Variants in NF2 observed in about 807,000 individuals in gnomAD.
NF2 encodes the protein merlin.
Under a neutral mutation model 83.7 loss-of-function variants are expected in NF2, and 8 were observed. The ratio of observed to expected loss-of-function variants is 0.10; its 90% CI spans 0.06 to 0.17. The LOEUF is 0.17. NF2 is among the 10% of genes least tolerant of loss of function. NF2 has a pLI of 1.00. For synonymous variants in NF2, 266 were observed against 269.6 expected (o/e 0.99, Z 0.13); for missense variants, 533 against 744.4 (o/e 0.72, Z 3.31).
intron 3 of NF2, among the ~76,000 whole-genome samples, chr22:29,640,194 TA>T (rs11379333): frequency 0.37 from 34,385 of 92,520 alleles, 5,956 homozygotes; most frequent in East Asian, 0.66. Context: ...GACTCTGTCT[TA>T]AAAAAAAAAA....
intron 14 of NF2, 99 bp downstream of exon 14, chr22:29,678,422 G>A: frequency 7.1e-7 from 1 of 1,415,944 alleles, no homozygotes; most frequent in Non-Finnish European, 9.9e-7. Context: ...CGCTGCAGCA[G>A]CCTGTCATTA....
intron 12 of NF2, among the ~76,000 whole-genome samples, chr22:29,673,845 T>C (rs541229409): frequency 6.6e-5 from 10 of 152,222 alleles, no homozygotes; most frequent in African/African-American, 2.4e-4. Flanking sequence ...TTAAAAAAAG[T>C]GTGGTTCTTT....
Position 29,697,881 on chromosome 22 carries a change from T to A in NF2, c.*3079T>A, listed in dbSNP as rs1400592013. 4.9e-6 allele frequency: 1 copy of A among 205,100 alleles called. No individual in the cohort carries two copies. Among genetic ancestry groups the A allele is most frequent in the Non-Finnish European group, 1.0e-5 (1 of 100,074 alleles). The allele number at this position is 205,100 out of a possible 1,614,324, so 12.7% of individuals were successfully genotyped here. A position where few individuals can be genotyped will look rare whatever the true frequency, so the allele number is the denominator to read the frequency against. ...GCGCTTGGCCAGACTGCGTCCTTTTTAAGCGAACATTTTAGGGCCTGGGAG... is the reference window on the plus strand; with the variant it reads ...GCGCTTGGCCAGACTGCGTCCTTTTAAAGCGAACATTTTAGGGCCTGGGAG... On this transcript the variant is annotated 3_prime_UTR_variant, in exon 16 of 16. Transcript: ENST00000338641.
rs142446775 is a variant in NF2 at position 29,673,419 on chromosome 22, C to T, written c.1273C>T (p.Leu425=). 32 of 1,612,618 alleles carry T rather than the reference C, an allele frequency of 2.0e-5. No homozygotes were observed. In the Middle Eastern group the frequency reaches 8.2e-4, roughly 41 times the overall value. The part of the protein sequence containing the change: ...TAIRTEEEKR[L]MEQKVLEAEV... ...GATTCGCACGGAGGAGGAGAAGCGC[C>T]TGATGGAGCAGAAGGTGCTGGAAGC... The change falls in exon 12 of 16, where the codon CTG becomes TTG. Residue 425 remains leucine, a synonymous_variant. Coordinates refer to ENST00000338641, the MANE Select transcript of NF2 (RefSeq NM_000268.4).
chr22:29,656,361 A>G (rs1271584963), intron 6 of NF2, among the ~76,000 whole-genome samples: 4 of 150,210 alleles, frequency 2.7e-5, no homozygotes, highest in Non-Finnish European at 4.4e-5. Context: ...GCAGTGCACA[A>G]TCTTTTATTT....
chr22:29,672,156 C>T (rs1246736487), intron 11 of NF2, among the ~76,000 whole-genome samples: 1 of 152,200 alleles, frequency 6.6e-6, no homozygotes, highest in African/African-American at 2.4e-5. Flanking sequence ...TCCACTTTCA[C>T]CACGAGGTTG....
intron 14 of NF2, 91 bp from the exon 15 acceptor site, chr22:29,681,348 C>A: frequency 2.0e-6 from 3 of 1,523,924 alleles, no homozygotes; most frequent in Non-Finnish European, 2.7e-6. Context: ...AACCCTAGAT[C>A]GCACACCAAG....
chr22:29,623,259 A>G (rs975126051), intron 1 of NF2, among the ~76,000 whole-genome samples: 3 of 152,116 alleles, frequency 2.0e-5, no homozygotes, highest in Non-Finnish European at 2.9e-5. Context: ...ATGTGTGTGA[A>G]TTGGTAGCTT....
intron 1 of NF2, among the ~76,000 whole-genome samples, chr22:29,607,167 C>T (rs1406427924): frequency 6.6e-6 from 1 of 152,144 alleles, no homozygotes; most frequent in Non-Finnish European, 1.5e-5. Flanking sequence ...ATGTGTACAA[C>T]TATTATGAAT....
chr22:29,608,675 GAAA>G (rs771671779), intron 1 of NF2, among the ~76,000 whole-genome samples: 2 of 115,746 alleles, frequency 1.7e-5, no homozygotes, highest in Non-Finnish European at 3.7e-5. Context: ...TCCCTGCCCT[GAAA>G]AAAAAAAAAA....
At position 29,694,886 on chromosome 22, in the gene NF2, T is replaced by C. The variant is rs942827349; in HGVS notation, c.*84T>C. The stretch of plus-strand genomic sequence containing the variant: ...GACCAGATATCAAGAGAGCCATCCA[T>C]AGGGAGCTGGCTGGGGGTTTCCGTG... On this transcript the variant is annotated 3_prime_UTR_variant, in exon 16 of 16. Transcript: ENST00000338641. The surrounding 1 kb of genome is among the most constrained non-coding windows in gnomAD (Gnocchi z 4.1). 2.0e-5 allele frequency: 28 copies of C among 1,431,390 alleles called. No individual in the cohort carries two copies. The Admixed American group carries it at 4.0e-4, about 20-fold the overall frequency. 88.7% of individuals were successfully genotyped at this position (1,431,390 alleles called of 1,614,324 possible). A position where few individuals can be genotyped will look rare whatever the true frequency, so the allele number is the denominator to read the frequency against.
chr22:29,673,577 C>T lies in NF2; in HGVS notation c.1340+91C>T, dbSNP rs779038315. On this transcript the variant is annotated intron_variant, in intron 12 of 15. Transcript: ENST00000338641. ...GAGGCTGAGCTCTACAGCAGTTGTC[C>T]TCAAGCTGCTTGCCCATCTTCTGGG... 2.2e-5 allele frequency: 30 copies of T among 1,379,956 alleles called. No individual in the cohort carries two copies. The South Asian group carries it at 2.6e-4, about 12-fold the overall frequency. The allele number at this position is 1,379,956 out of a possible 1,614,324, so 85.5% of individuals were successfully genotyped here.
chr22:29,612,918 A>G (rs2064990004), intron 1 of NF2, among the ~76,000 whole-genome samples: 2 of 151,810 alleles, frequency 1.3e-5, no homozygotes, highest in South Asian at 2.1e-4. Flanking sequence ...CAACATGGAG[A>G]AACCCTGTCT....
At chr22:29,640,643 A>G (rs1156314207) in intron 3 of NF2, among the ~76,000 whole-genome samples, 1 of 152,166 alleles carries the variant, frequency 6.6e-6, no homozygotes, top group Non-Finnish European at 1.5e-5. Context: ...TTTCCCAGAG[A>G]TAGTTGGGTA....
At chr22:29,638,704 A>C (rs529085469) in intron 2 of NF2, among the ~76,000 whole-genome samples, 14 of 152,296 alleles carry the variant, frequency 9.2e-5, no homozygotes, top group African/African-American at 3.1e-4. Context: ...GCACCAAGAA[A>C]AAAGAAATAA....
chr22:29,661,535 G>C (rs1203848800), intron 8 of NF2, among the ~76,000 whole-genome samples, 196 bp downstream of exon 8: 1 of 152,224 alleles, frequency 6.6e-6, no homozygotes, highest in African/African-American at 2.4e-5. Context: ...TGACTAATAG[G>C]AAACTGGGAA....
chr22:29,639,032 G>T, intron 2 of NF2, 58 bp from the exon 3 acceptor site: 1 of 1,612,712 alleles, frequency 6.2e-7, no homozygotes, highest in Non-Finnish European at 8.5e-7. Flanking sequence ...TTCTTTGAGG[G>T]TAGCACAGGA....
At chr22:29,673,164 C>T in intron 11 of NF2, 105 bp from the exon 12 acceptor site, 1 of 1,255,326 alleles carries the variant, frequency 8.0e-7, no homozygotes, top group Middle Eastern at 1.9e-4. Context: ...CAGCAGGGCC[C>T]CAGGAGTCCG....
intron 1 of NF2, among the ~76,000 whole-genome samples, chr22:29,608,701 CA>C (rs966710037): frequency 1.8e-4 from 27 of 149,530 alleles, no homozygotes; most frequent in Admixed American, 7.3e-4. Flanking sequence ...ATGTGAAACA[CA>C]TACAAAAAAA....
Sources: allele counts gnomAD v4.1 joint callset (sites outside exome capture counted in the v4.1 genomes callset), GRCh38; gene constraint gnomAD v4.1.1; non-coding constraint Gnocchi (gnomAD v3.1); transcripts MANE v1.5; gene names NCBI Gene and HGNC (gene_info 2026-07-23, HGNC 2026-07-21).